Variants in MED27 observed in about 807,000 individuals in gnomAD.
MED27 encodes the protein mediator complex subunit 27.
A neutral mutation model predicts 38.2 loss-of-function variants in MED27; 30 were observed. The ratio of observed to expected loss-of-function variants is 0.79; its 90% CI spans 0.59 to 1.07. MED27 has a LOEUF of 1.07. Ranked by LOEUF, MED27 falls within the 50% of genes least tolerant of loss-of-function variation. The probability of loss-of-function intolerance (pLI) is 0.00; values close to 1 mark genes in which losing one functional copy is unlikely to be tolerated. For synonymous variants in MED27, 122 were observed against 153.5 expected (o/e 0.79, Z 1.52); for missense variants, 289 against 397.5 (o/e 0.73, Z 2.32).
intron 5 of MED27, among the ~76,000 whole-genome samples, chr9:131,888,195 C>T (rs977052193): frequency 3.3e-5 from 5 of 152,260 alleles, no homozygotes; most frequent in African/African-American, 1.2e-4. Flanking sequence ...ATGACGCATT[C>T]GGCCTGCCCT....
In MED27 at chr9:131,860,727, GTCCTCCTTCCTATCAA is replaced by G; in HGVS notation, c.802-71_802-56del. Reference sequence around the variant, plus strand: ...AGAATGGGATACGGGTGCTCCCAAAGTCCTCCTTCCTATCAAGCCTAATGGCCCAGACAACTTAAGT... The same window carrying G: ...AGAATGGGATACGGGTGCTCCCAAAGGCCTAATGGCCCAGACAACTTAAGT... On this transcript the variant is annotated intron_variant, in intron 7 of 7. Transcript: ENST00000292035. This position sits in a 1 kb window ranked among gnomAD's most constrained non-coding sequence, Gnocchi z 5.8. 1 of 1,590,186 alleles carries G rather than the reference GTCCTCCTTCCTATCAA, an allele frequency of 6.3e-7. No individual in the cohort carries two copies. The highest frequency in any genetic ancestry group is 8.6e-7 in the Non-Finnish European group (1 of 1,165,876).
intron 6 of MED27, among the ~76,000 whole-genome samples, chr9:131,873,866 G>T (rs966920831): frequency 6.6e-6 from 1 of 152,204 alleles, no homozygotes; most frequent in Non-Finnish European, 1.5e-5. Flanking sequence ...ATCAGATGTG[G>T]TTTGGTTTGG....
intron 3 of MED27, among the ~76,000 whole-genome samples, chr9:131,943,581 T>C (rs1830827345): frequency 6.6e-6 from 1 of 152,196 alleles, no homozygotes; most frequent in African/African-American, 2.4e-5. Flanking sequence ...CAGAATCAAA[T>C]TACTTTAATT....
intron 4 of MED27, among the ~76,000 whole-genome samples, chr9:131,896,023 C>T (rs554329076): frequency 9.2e-5 from 14 of 152,166 alleles, no homozygotes; most frequent in East Asian, 7.7e-4. Context: ...CTCGGCCTCC[C>T]GAGTAGCTGG....
intron 3 of MED27, among the ~76,000 whole-genome samples, chr9:131,983,298 C>T (rs188062306): frequency 1.3e-5 from 2 of 152,330 alleles, no homozygotes; most frequent in East Asian, 3.9e-4. Flanking sequence ...ATAAAACTTA[C>T]TCTTCACATT....
chr9:131,955,062 C>G (rs1475723563), intron 3 of MED27, among the ~76,000 whole-genome samples: 2 of 151,978 alleles, frequency 1.3e-5, no homozygotes, highest in African/African-American at 4.8e-5. Flanking sequence ...GACCATAAGC[C>G]GGGTCTCGAA....
intron 3 of MED27, among the ~76,000 whole-genome samples, chr9:131,993,586 T>G (rs948262797): frequency 1.3e-5 from 2 of 152,192 alleles, no homozygotes; most frequent in Non-Finnish European, 2.9e-5. Flanking sequence ...TGGGGGCACA[T>G]GGGGAGCAGG....
chr9:132,000,063 C>CTCAAAAGTAAAATCACTTTTGA lies in MED27; in HGVS notation c.479+14252_479+14273dup, dbSNP rs369164130. Among the ~76,000 whole-genome samples, 175 of 121,830 alleles carry CTCAAAAGTAAAATCACTTTTGA rather than the reference C, an allele frequency of 1.4e-3. 2 individuals are homozygous for CTCAAAAGTAAAATCACTTTTGA. Among genetic ancestry groups the CTCAAAAGTAAAATCACTTTTGA allele is most frequent in the African/African-American group, 5.8e-3 (152 of 26,360 alleles). 79.9% of individuals were successfully genotyped at this position (121,830 alleles called of 152,430 possible). On this transcript the variant is annotated intron_variant, in intron 3 of 7. Transcript: ENST00000292035. Reference sequence around the variant, plus strand: ...AAGGAAATTCTGAAAACCTGTATTTCTCAAAAGTAAAATCACTTTTGATCA... The same window carrying CTCAAAAGTAAAATCACTTTTGA: ...AAGGAAATTCTGAAAACCTGTATTTCTCAAAAGTAAAATCACTTTTGATCAAAAGTAAAATCACTTTTGATCA...
chr9:131,961,535 T>A (rs1377451472), intron 3 of MED27, among the ~76,000 whole-genome samples: 1 of 152,250 alleles, frequency 6.6e-6, no homozygotes, highest in Non-Finnish European at 1.5e-5. Context: ...ATCATCTTCA[T>A]GAAGGTTCTG....
intron 3 of MED27, among the ~76,000 whole-genome samples, chr9:131,975,080 A>G (rs1176966807): frequency 6.6e-6 from 1 of 152,252 alleles, no homozygotes; most frequent in East Asian, 1.9e-4. Context: ...GAAAAGAAAC[A>G]TAATTACTTT....
chr9:132,079,595 C>G, intron 1 of MED27, 47 bp downstream of exon 1: 1 of 1,587,022 alleles, frequency 6.3e-7, no homozygotes, highest in East Asian at 2.2e-5. Flanking sequence ...GGGGCAGGGT[C>G]GGAGCGGGGC....
intron 1 of MED27, among the ~76,000 whole-genome samples, chr9:132,078,386 G>A (rs1283839898): frequency 6.6e-6 from 1 of 152,116 alleles, no homozygotes; most frequent in African/African-American, 2.4e-5. Context: ...AATGGTGAAG[G>A]GTTATAATAT....
At chr9:131,988,066 T>C (rs7019796) in intron 3 of MED27, among the ~76,000 whole-genome samples, 85,465 of 152,166 alleles carry the variant, frequency 0.56, 26,066 homozygotes, top group Non-Finnish European at 0.68. Flanking sequence ...ACAAAAATCA[T>C]TTCCGTAAAT....
chr9:132,073,797 C>T (rs1458385165), intron 2 of MED27: 7 of 1,484,660 alleles, frequency 4.7e-6, no homozygotes, highest in Admixed American at 5.0e-5. Context: ...AGCAGCACCT[C>T]GCTCTGGGCC....
chr9:131,922,554 C>T (rs1830413553), intron 4 of MED27, among the ~76,000 whole-genome samples: 1 of 152,098 alleles, frequency 6.6e-6, no homozygotes, highest in Middle Eastern at 3.4e-3. Context: ...AATTCTCCTG[C>T]CTCAGCCTCC....
At chr9:131,924,322 T>C (rs1830446075) in intron 4 of MED27, among the ~76,000 whole-genome samples, 1 of 152,196 alleles carries the variant, frequency 6.6e-6, no homozygotes, top group Admixed American at 6.5e-5. Context: ...ATTTCCCTAA[T>C]TATGGGTAAG....
chr9:132,055,988 G>A (rs1403032651), intron 2 of MED27, among the ~76,000 whole-genome samples: 2 of 152,170 alleles, frequency 1.3e-5, no homozygotes, highest in Non-Finnish European at 2.9e-5. Flanking sequence ...TCGCCCCCAG[G>A]ACAGCCAGGA....
chr9:132,040,171 C>T (rs181407523), intron 2 of MED27, among the ~76,000 whole-genome samples: 2 of 152,326 alleles, frequency 1.3e-5, no homozygotes, highest in Admixed American at 1.3e-4. Context: ...TCGTGCTCAG[C>T]ATCAGTCCCC....
chr9:132,015,159 T>C (rs1832575230), intron 2 of MED27, among the ~76,000 whole-genome samples: 1 of 152,204 alleles, frequency 6.6e-6, no homozygotes, highest in Admixed American at 6.5e-5. Flanking sequence ...AATGGTTAAA[T>C]TACAAATATC....
Sources: allele counts gnomAD v4.1 joint callset (sites outside exome capture counted in the v4.1 genomes callset), GRCh38; gene constraint gnomAD v4.1.1; non-coding constraint Gnocchi (gnomAD v3.1); transcripts MANE v1.5; gene names NCBI Gene and HGNC (gene_info 2026-07-23, HGNC 2026-07-21).